RAB11FIP4: variants seen among roughly 807,000 people sequenced by gnomAD.
RAB11FIP4 encodes rab11 family-interacting protein 4.
A neutral mutation model predicts 74.3 loss-of-function variants in RAB11FIP4; 23 were observed. The observed-to-expected ratio is 0.31, with a 90% CI of 0.22 to 0.44. The LOEUF (loss-of-function observed/expected upper bound fraction) is 0.44. RAB11FIP4 is among the 20% of genes least tolerant of loss of function. The probability of loss-of-function intolerance (pLI) is 1.00; values close to 1 mark genes in which losing one functional copy is unlikely to be tolerated. For missense variants in RAB11FIP4, 630 were observed against 863.9 expected (o/e 0.73, Z 3.39); for synonymous variants, 360 against 359.9 (o/e 1.00, Z 0.00).
intron 10 of RAB11FIP4, chr17:31,527,020 A>C (rs2142828061): frequency 6.6e-6 from 1 of 152,364 alleles, no homozygotes; most frequent in South Asian, 2.1e-4. Context: ...TGTGAACGCT[A>C]ACACAGAGGA....
intron 3 of RAB11FIP4, among the ~76,000 whole-genome samples, chr17:31,495,808 C>A (rs577949946): frequency 6.6e-6 from 1 of 152,204 alleles, no homozygotes; most frequent in Non-Finnish European, 1.5e-5. Context: ...TTTATAGCAG[C>A]AGGTGTGTGC....
intron 1 of RAB11FIP4, among the ~76,000 whole-genome samples, chr17:31,399,215 G>A (rs971578553): frequency 1.3e-5 from 2 of 152,200 alleles, no homozygotes; most frequent in African/African-American, 2.4e-5. Flanking sequence ...AGCTGGCTGA[G>A]ATAGACTCTT....
intron 3 of RAB11FIP4, among the ~76,000 whole-genome samples, chr17:31,452,357 C>T (rs556680581): frequency 2.0e-5 from 3 of 152,210 alleles, no homozygotes; most frequent in South Asian, 2.1e-4. Context: ...TAGGAGTCTC[C>T]GAGGACCAGC....
chr17:31,444,351 C>CCT (rs1555544269), intron 3 of RAB11FIP4, among the ~76,000 whole-genome samples: 1 of 150,118 alleles, frequency 6.7e-6, no homozygotes, highest in African/African-American at 2.5e-5. Flanking sequence ...GTTTCAACAC[C>CCT]CCCCCCACCC....
At position 31,530,389 on chromosome 17, in the gene RAB11FIP4, T is replaced by TA. The variant is rs2072848193; in HGVS notation, c.1718dup (p.Tyr573Ter). 6.2e-7 allele frequency: 1 copy of TA among 1,614,054 alleles called. No individual in the cohort carries two copies. The highest frequency in any genetic ancestry group is 1.3e-5 in the African/African-American group (1 of 74,924). The change falls in exon 14 of 15, where the codon TAC becomes TAAC. Residue 573 changes from tyrosine to a stop codon, truncating the protein, a stop_gained and frameshift_variant. Transcript: ENST00000621161. LOFTEE classifies it high-confidence loss of function. Reference sequence around the variant, plus strand: ...TGGGCAGATTTTGAGCCTCAGCCTCTACGAAGCAAAAAACCTCTTTGCTGC... The same window carrying TA: ...TGGGCAGATTTTGAGCCTCAGCCTCTAACGAAGCAAAAAACCTCTTTGCTGC... The part of the protein sequence containing the change: ...LNGQILSLSL[Y>*]EAKNLFAAQT...
chr17:31,437,517 C>T (rs909342524), intron 3 of RAB11FIP4, among the ~76,000 whole-genome samples: 11 of 152,116 alleles, frequency 7.2e-5, no homozygotes, highest in African/African-American at 2.7e-4. Context: ...TTCCCAGATG[C>T]CCCCAGGGAA....
intron 3 of RAB11FIP4, among the ~76,000 whole-genome samples, chr17:31,444,354 C>G (rs1007994532): frequency 5.3e-5 from 8 of 150,994 alleles, no homozygotes; most frequent in Non-Finnish European, 1.2e-4. Context: ...TCAACACCCC[C>G]CCCACCCTTC....
chr17:31,394,937 GC>G (rs1313677882), intron 1 of RAB11FIP4, among the ~76,000 whole-genome samples: 18 of 142,170 alleles, frequency 1.3e-4, no homozygotes, highest in South Asian at 2.4e-4. Flanking sequence ...GTGGCGGGGG[GC>G]GGGGGGGGGG....
rs150968812 is a variant in RAB11FIP4 at position 31,466,929 on chromosome 17, A to G, written c.336+32807A>G. 2.9e-3 allele frequency among the ~76,000 whole-genome samples: 435 copies of G among 152,282 alleles called. 3 individuals are homozygous for G. The highest frequency in any genetic ancestry group is 9.3e-3 in the African/African-American group (387 of 41,548). On this transcript the variant is annotated intron_variant, in intron 3 of 14. Transcript: ENST00000621161. ...AAAGCTTATTTCCATTTTTCTGGACAAATTTACACTTCAAATCTCTGCATT... is the reference window on the plus strand; with the variant it reads ...AAAGCTTATTTCCATTTTTCTGGACGAATTTACACTTCAAATCTCTGCATT...
intron 3 of RAB11FIP4, among the ~76,000 whole-genome samples, chr17:31,479,080 C>T (rs892938258): frequency 6.6e-6 from 1 of 152,224 alleles, no homozygotes; most frequent in African/African-American, 2.4e-5. Flanking sequence ...TCCTCTTGAG[C>T]CTCAGTTTCC....
chr17:31,534,205 C>T lies in RAB11FIP4; in HGVS notation c.*2473C>T, dbSNP rs1217592196. The T allele has an allele frequency of 6.6e-6, 1 of 152,126 alleles. No individual in the cohort carries two copies. Among genetic ancestry groups the T allele is most frequent in the African/African-American group, 2.4e-5 (1 of 41,402 alleles). The allele number at this position is 152,126 out of a possible 1,614,324, so 9.4% of individuals were successfully genotyped here. The stretch of plus-strand genomic sequence containing the variant: ...GCTGCGAGGTAGTAGACAGGATGCC[C>T]AGTTAAGTTTGAATTTCAGATAGAA... On this transcript the variant is annotated 3_prime_UTR_variant, in exon 15 of 15. Coordinates refer to ENST00000621161, the MANE Select transcript of RAB11FIP4 (RefSeq NM_032932.6).
At chr17:31,448,983 A>G (rs754638872) in intron 3 of RAB11FIP4, among the ~76,000 whole-genome samples, 79 of 152,100 alleles carry the variant, frequency 5.2e-4, no homozygotes, top group Non-Finnish European at 3.5e-4. Flanking sequence ...CAATGGATTA[A>G]TGTTTCTAAA....
intron 5 of RAB11FIP4, 110 bp downstream of exon 5, chr17:31,521,470 C>A: frequency 2.1e-6 from 2 of 969,542 alleles, no homozygotes; most frequent in Non-Finnish European, 3.0e-6. Context: ...TTTCCTTTGT[C>A]CTCAGCTACT....
chr17:31,500,835 C>A (rs2072204768), intron 3 of RAB11FIP4, among the ~76,000 whole-genome samples: 1 of 152,022 alleles, frequency 6.6e-6, no homozygotes, highest in Non-Finnish European at 1.5e-5. Flanking sequence ...CCATCCTGGC[C>A]AACATGGTGA....
intron 3 of RAB11FIP4, among the ~76,000 whole-genome samples, chr17:31,460,279 G>A (rs2142715629): frequency 6.6e-6 from 1 of 152,356 alleles, no homozygotes; most frequent in South Asian, 2.1e-4. Context: ...AAAGTAAGCA[G>A]TGGATCAGTG....
chr17:31,398,385 G>A (rs2151613346), intron 1 of RAB11FIP4, among the ~76,000 whole-genome samples: 1 of 152,278 alleles, frequency 6.6e-6, no homozygotes, highest in South Asian at 2.1e-4. Flanking sequence ...GCAAAACCTT[G>A]CTGAGTTCCA....
Position 31,520,711 on chromosome 17 carries a change from G to A in RAB11FIP4, c.564-455G>A, listed in dbSNP as rs547861608. On this transcript the variant is annotated intron_variant, in intron 4 of 14. Transcript: ENST00000621161. ...TCTAGTAGAGTTGGGGTTTCACCATGTTAGCCAGGATGGTCTCGATCTCCT... is the reference window on the plus strand; with the variant it reads ...TCTAGTAGAGTTGGGGTTTCACCATATTAGCCAGGATGGTCTCGATCTCCT... Among the ~76,000 whole-genome samples the A allele has an allele frequency of 3.1e-3, 472 of 152,232 alleles. 2 individuals are homozygous for A. The highest frequency in any genetic ancestry group is 0.014 in the Middle Eastern group (4 of 294).
chr17:31,487,898 G>A (rs1375064582), intron 3 of RAB11FIP4: 1 of 308,216 alleles, frequency 3.2e-6, no homozygotes, highest in Non-Finnish European at 4.7e-6. Context: ...CCCTACCTTG[G>A]GGGCGGGGTT....
chr17:31,395,838 T>G (rs908670356), intron 1 of RAB11FIP4, among the ~76,000 whole-genome samples: 8 of 152,176 alleles, frequency 5.3e-5, no homozygotes, highest in African/African-American at 1.9e-4. Context: ...TGGATTAGGT[T>G]AGTCCCTGAT....
Sources: gnomAD v4.1 joint callset for allele counts (sites outside exome capture counted in the v4.1 genomes callset) on GRCh38, gnomAD v4.1.1 for gene constraint, MANE v1.5 for transcripts, NCBI Gene and HGNC (gene_info 2026-07-23, HGNC 2026-07-21) for gene names.